CORO2A: variants seen among roughly 807,000 people sequenced by gnomAD.
CORO2A encodes the protein coronin 2A, also known as coronin-2A.
In CORO2A, 47 loss-of-function variants were observed where a neutral mutation model predicts 62.4. That is an observed-to-expected ratio of 0.75 (90% CI 0.60 to 0.96). The LOEUF is 0.96. Among genes scored for constraint, CORO2A ranks in the 40% least tolerant of loss-of-function variants. The pLI is 0.00. For synonymous variants in CORO2A, 273 were observed against 268.9 expected, an observed-to-expected ratio of 1.02 and a Z score of -0.15; for missense variants, 610 against 684.1, an observed-to-expected ratio of 0.89 and a Z score of 1.21.
intron 1 of CORO2A, among the ~76,000 whole-genome samples, chr9:98,180,073 A>T (rs1828158550): frequency 6.6e-6 from 1 of 152,148 alleles, no homozygotes; most frequent in African/African-American, 2.4e-5. Context: ...TACGATCATA[A>T]TGTGCCTGCA....
intron 2 of CORO2A, among the ~76,000 whole-genome samples, chr9:98,142,846 C>G (rs548742978): frequency 2.8e-5 from 4 of 142,212 alleles, no homozygotes; most frequent in African/African-American, 5.5e-5. Context: ...CCTGCCCTGC[C>G]CTGCCCTGCG....
At chr9:98,155,342 A>ATTTTTTTTTTTTT (rs11379239) in intron 2 of CORO2A, among the ~76,000 whole-genome samples, 1 of 101,862 alleles carries the variant, frequency 9.8e-6, no homozygotes, top group African/African-American at 3.9e-5. Flanking sequence ...TTATTGCTCA[A>ATTTTTTTTTTTTT]TTTTTTTTTT....
chr9:98,147,492 G>T (rs1398629597), intron 2 of CORO2A, among the ~76,000 whole-genome samples: 1 of 152,156 alleles, frequency 6.6e-6, no homozygotes, highest in African/African-American at 2.4e-5. Context: ...TTGTGCTTGA[G>T]ATTTTTCCAT....
At position 98,121,508 on chromosome 9, in the gene CORO2A, T is replaced by C. The variant is rs535358397; in HGVS notation, c.*3266A>G. 5.9e-5 allele frequency: 9 copies of C among 152,244 alleles called. No homozygotes were observed. The highest frequency in any genetic ancestry group is 1.0e-4 in the Non-Finnish European group (7 of 68,048). The allele number at this position is 152,244 out of a possible 1,614,324, so 9.4% of individuals were successfully genotyped here. ...GTGAAATAATTTAAATAATTTATTCTAGATGTAAAAATAATAATACAAAAA... is the reference window on the plus strand; with the variant it reads ...GTGAAATAATTTAAATAATTTATTCCAGATGTAAAAATAATAATACAAAAA... On this transcript the variant is annotated 3_prime_UTR_variant, in exon 12 of 12. Coordinates refer to ENST00000375077, the MANE Select transcript of CORO2A (RefSeq NM_052820.4).
chr9:98,127,048 G>T, intron 10 of CORO2A: 1 of 596,444 alleles, frequency 1.7e-6, no homozygotes, highest in Non-Finnish European at 3.0e-6. Flanking sequence ...TGGTTTGTAG[G>T]AACAGCACGG....
intron 1 of CORO2A, among the ~76,000 whole-genome samples, chr9:98,176,297 T>A (rs1002943233): frequency 2.6e-5 from 4 of 152,144 alleles, no homozygotes; most frequent in Non-Finnish European, 5.9e-5. Flanking sequence ...CAAATCATAT[T>A]ACATCTAGGG....
At chr9:98,151,216 T>C (rs1302166939) in intron 2 of CORO2A, among the ~76,000 whole-genome samples, 1 of 152,200 alleles carries the variant, frequency 6.6e-6, no homozygotes, top group African/African-American at 2.4e-5. Flanking sequence ...CAAAGGACTC[T>C]AATTCAAAGT....
Position 98,132,209 on chromosome 9 carries a change from G to A in CORO2A, c.741C>T (p.Asn247=), listed in dbSNP as rs773028758. The change falls in exon 6 of 12, where the codon AAC becomes AAT. Residue 247 remains asparagine (N), a synonymous_variant. Coordinates refer to ENST00000375077, the MANE Select transcript of CORO2A (RefSeq NM_052820.4). ...CCTGGTCCCACAAGGCCACCTGCCG[G>A]TTGTTCCATCGGGATGTGCCTGTGG... ...LMSTGTSRWN[N]RQVALWDQDN... 19 of 1,614,052 alleles carry A rather than the reference G, an allele frequency of 1.2e-5. No individual in the cohort carries two copies. Among genetic ancestry groups the A allele is most frequent in the Admixed American group, 1.7e-5 (1 of 60,006 alleles).
chr9:98,133,038 C>G lies in CORO2A; in HGVS notation c.648G>C (p.Gln216His). The G allele has an allele frequency of 6.2e-7, 1 of 1,614,144 alleles. No individual in the cohort carries two copies. The highest frequency in any genetic ancestry group is 8.5e-7 in the Non-Finnish European group (1 of 1,179,970). The change falls in exon 5 of 12, where the codon CAG becomes CAC. Residue 216 changes from glutamine to histidine, a missense_variant and splice_region_variant. By Grantham distance (24) the Gln-to-His change is conservative. Coordinates refer to ENST00000375077, the MANE Select transcript of CORO2A (RefSeq NM_052820.4). ...AGCCAGCCCCTGGCCCAGAACTGACCTGGAGGACGGTCCCTGCTCGGGGGT... is the reference window on the plus strand; with the variant it reads ...AGCCAGCCCCTGGCCCAGAACTGACGTGGAGGACGGTCCCTGCTCGGGGGT... ...VIDPRAGTVL[Q>H]EASYKGHRAS...
chr9:98,139,980 T>C (rs1466694094), intron 2 of CORO2A, among the ~76,000 whole-genome samples: 1 of 152,104 alleles, frequency 6.6e-6, no homozygotes, highest in East Asian at 1.9e-4. Context: ...ACCAAGAGAC[T>C]TGGATTTCTT....
At chr9:98,128,918 T>C (rs116169461) in intron 8 of CORO2A, among the ~76,000 whole-genome samples, 199 bp from the exon 9 acceptor site, 139 of 152,316 alleles carry the variant, frequency 9.1e-4, no homozygotes, top group African/African-American at 3.3e-3. Context: ...CCTTCAAAGA[T>C]TTAAATTATT....
rs766098889 is a variant in CORO2A at position 98,126,702 on chromosome 9, TTCTG to T, written c.1289_1292del (p.Thr430LysfsTer35). 6.8e-6 allele frequency: 11 copies of T among 1,614,060 alleles called. No homozygotes were observed. The South Asian group carries it at 1.1e-4, about 16-fold the overall frequency. On this transcript the variant is annotated frameshift_variant, in exon 11 of 12. Coordinates refer to ENST00000375077, the MANE Select transcript of CORO2A (RefSeq NM_052820.4). LOFTEE classifies it high-confidence loss of function. The stretch of plus-strand genomic sequence containing the variant: ...TCCAGCCATCTTCTGCAGCCAGCTT[TTCTG>T]TCTGATTCAAGAGCCGGGGTGAGGC...
At chr9:98,162,666 G>C (rs1260820487) in intron 1 of CORO2A, among the ~76,000 whole-genome samples, 1 of 152,258 alleles carries the variant, frequency 6.6e-6, no homozygotes, top group Non-Finnish European at 1.5e-5. Context: ...GTGTGCACAA[G>C]AACTGCATTC....
At chr9:98,148,272 G>A (rs1827671034) in intron 2 of CORO2A, among the ~76,000 whole-genome samples, 1 of 151,486 alleles carries the variant, frequency 6.6e-6, no homozygotes, top group Non-Finnish European at 1.5e-5. Context: ...GCATGTGCCT[G>A]TAGTCCCAGT....
At chr9:98,169,632 AC>A (rs1342630132) in intron 1 of CORO2A, among the ~76,000 whole-genome samples, 1 of 151,632 alleles carries the variant, frequency 6.6e-6, no homozygotes, top group Non-Finnish European at 1.5e-5. Flanking sequence ...TGAGTCTTTG[AC>A]CTCCTTCTCA....
rs34090994 is a variant in CORO2A at position 98,158,836 on chromosome 9, A to AACACACACAC, written c.1-1186_1-1177dup. Among the ~76,000 whole-genome samples, 625 of 149,352 alleles carry AACACACACAC rather than the reference A, an allele frequency of 4.2e-3. 7 individuals carry two copies. Among genetic ancestry groups the AACACACACAC allele is most frequent in the Non-Finnish European group, 6.3e-3 (424 of 67,086 alleles). ...ATCAAAGAGAAATTAAAAAGAAGAA[A>AACACACACAC]ACACACACACACACACACACACACC... On this transcript the variant is annotated intron_variant, in intron 1 of 11. Transcript: ENST00000375077.
intron 3 of CORO2A, among the ~76,000 whole-genome samples, chr9:98,137,292 C>T (rs955437927): frequency 1.3e-5 from 2 of 152,144 alleles, no homozygotes; most frequent in East Asian, 1.9e-4. Flanking sequence ...GTTTTCCCAT[C>T]GGAATATACA....
intron 1 of CORO2A, 87 bp downstream of exon 1, chr9:98,192,472 G>C (rs1828316528): frequency 4.3e-5 from 2 of 46,222 alleles, no homozygotes; most frequent in Admixed American, 4.8e-4. Flanking sequence ...CCCTCTCCGG[G>C]AGCTGCAGCC....
intron 1 of CORO2A, among the ~76,000 whole-genome samples, chr9:98,158,399 G>T (rs1006106944): frequency 6.6e-6 from 1 of 152,196 alleles, no homozygotes; most frequent in African/African-American, 2.4e-5. Flanking sequence ...TTGATCAACA[G>T]TGGCAATCAC....
Sources: allele counts gnomAD v4.1 joint callset (sites outside exome capture counted in the v4.1 genomes callset), GRCh38; gene constraint gnomAD v4.1.1; transcripts MANE v1.5; gene names NCBI Gene and HGNC (gene_info 2026-07-23, HGNC 2026-07-21).